Variants in ADAMTS10 observed in about 807,000 individuals in gnomAD.
ADAMTS10 encodes the protein ADAM metallopeptidase with thrombospondin type 1 motif 10.
ADAMTS10 carries 48 observed loss-of-function variants against 135.9 expected under a neutral mutation model. The ratio of observed to expected loss-of-function variants is 0.35; its 90% CI spans 0.28 to 0.45. The LOEUF is 0.45. ADAMTS10 is among the 20% of genes least tolerant of loss of function. The probability of loss-of-function intolerance (pLI) is 1.00; values close to 1 mark genes in which losing one functional copy is unlikely to be tolerated. For missense variants in ADAMTS10, 1,131 were observed against 1,565.2 expected, an observed-to-expected ratio of 0.72 and a Z score of 4.68; for synonymous variants, 621 against 647.5, an observed-to-expected ratio of 0.96 and a Z score of 0.62.
intron 12 of ADAMTS10, 56 bp from the exon 13 acceptor site, chr19:8,592,926 C>T: frequency 3.9e-6 from 6 of 1,527,392 alleles, no homozygotes; most frequent in Non-Finnish European, 5.3e-6. Flanking sequence ...CCTGGGGCAG[C>T]CCGCCCGGCT....
chr19:8,606,303 T>C (rs983307735), intron 2 of ADAMTS10, among the ~76,000 whole-genome samples: 1 of 151,996 alleles, frequency 6.6e-6, no homozygotes, highest in Non-Finnish European at 1.5e-5. Flanking sequence ...CCTCAAGGGA[T>C]CCTTTCACCT....
In ADAMTS10 at chr19:8,605,581, T is replaced by G; in HGVS notation, c.88+42A>C. 6.3e-7 allele frequency: 1 copy of G among 1,583,276 alleles called. No individual in the cohort carries two copies. The highest frequency in any genetic ancestry group is 2.3e-5 in the East Asian group (1 of 43,132). On this transcript the variant is annotated intron_variant, in intron 3 of 25. Coordinates refer to ENST00000597188, the MANE Select transcript of ADAMTS10 (RefSeq NM_030957.4). This position sits in a 1 kb window ranked among gnomAD's most constrained non-coding sequence, Gnocchi z 7.7. ...GTTGGAGCCCAACTGGTCTCTTACATTTTTCGCTCCCTCCCCACCGCCACC... is the reference window on the plus strand; with the variant it reads ...GTTGGAGCCCAACTGGTCTCTTACAGTTTTCGCTCCCTCCCCACCGCCACC...
intron 16 of ADAMTS10, 61 bp downstream of exon 16, chr19:8,589,828 C>T: frequency 6.5e-7 from 1 of 1,536,320 alleles, no homozygotes; most frequent in African/African-American, 1.4e-5. Context: ...CATCCACCTG[C>T]TGCTGGACAC....
chr19:8,598,001 A>G (rs1555740647), intron 6 of ADAMTS10, among the ~76,000 whole-genome samples: 3 of 151,456 alleles, frequency 2.0e-5, no homozygotes, highest in Non-Finnish European at 4.4e-5. Flanking sequence ...TTTAGTAGAG[A>G]CTGGGTTTCA....
intron 6 of ADAMTS10, among the ~76,000 whole-genome samples, chr19:8,598,006 G>T (rs1367786224): frequency 6.6e-6 from 1 of 151,926 alleles, no homozygotes; most frequent in Non-Finnish European, 1.5e-5. Context: ...TAGAGACTGG[G>T]TTTCACCATG....
chr19:8,586,484 G>T lies in ADAMTS10; in HGVS notation c.2404-14C>A, dbSNP rs2042432706. ...CCGGGCCAGCACCTGGAGAAAGGGGGCGGCAGCCAGTGGAAGGATCGCATG... is the reference window on the plus strand; with the variant it reads ...CCGGGCCAGCACCTGGAGAAAGGGGTCGGCAGCCAGTGGAAGGATCGCATG... On this transcript the variant is annotated splice_polypyrimidine_tract_variant and intron_variant, in intron 20 of 25. Coordinates refer to ENST00000597188, the MANE Select transcript of ADAMTS10 (RefSeq NM_030957.4). 6.2e-7 allele frequency: 1 copy of T among 1,613,386 alleles called. No individual in the cohort carries two copies.
At position 8,580,299 on chromosome 19, in the gene ADAMTS10, G is replaced by C. The variant is rs542081399; in HGVS notation, c.*594C>G. The stretch of plus-strand genomic sequence containing the variant: ...ATGTAGGGCTTCCTGGCAGGAGTGT[G>C]TGGGCCCCAGGGCAGGGTCTGTAGC... On this transcript the variant is annotated 3_prime_UTR_variant, in exon 26 of 26. Transcript: ENST00000597188. 6.4e-6 allele frequency: 1 copy of C among 155,526 alleles called. No homozygotes were observed. The highest frequency in any genetic ancestry group is 1.8e-4 in the South Asian group (1 of 5,560). 9.6% of individuals were successfully genotyped at this position (155,526 alleles called of 1,614,324 possible).
chr19:8,604,001 C>CT (rs36044688), intron 4 of ADAMTS10, 117 bp from the exon 5 acceptor site: 276,530 of 818,292 alleles, frequency 0.34, 17,381 homozygotes, highest in African/African-American at 0.42. Context: ...TTTGCTATTT[C>CT]TTTTTTTTTT....
intron 6 of ADAMTS10, among the ~76,000 whole-genome samples, chr19:8,599,381 AGTGCAATG>A (rs1555740955): frequency 1.3e-5 from 2 of 152,024 alleles, no homozygotes; most frequent in Non-Finnish European, 2.9e-5. Flanking sequence ...CCCAGGCTGG[AGTGCAATG>A]GTGCGATCTT....
chr19:8,589,797 C>T, intron 16 of ADAMTS10, 92 bp downstream of exon 16: 1 of 1,460,910 alleles, frequency 6.8e-7, no homozygotes, highest in Non-Finnish European at 9.5e-7. Context: ...GGGCTCAGGG[C>T]AGACCCCGGG....
Position 8,580,466 on chromosome 19 carries a change from TC to T in ADAMTS10, c.*426del. The T allele has an allele frequency of 1.2e-5, 2 of 167,380 alleles. No individual in the cohort carries two copies. The highest frequency in any genetic ancestry group is 1.2e-4 in the South Asian group (1 of 8,600). 10.4% of individuals were successfully genotyped at this position (167,380 alleles called of 1,614,324 possible). On this transcript the variant is annotated 3_prime_UTR_variant, in exon 26 of 26. Transcript: ENST00000597188. The stretch of plus-strand genomic sequence containing the variant: ...CCCCCCTCCCATAGCAGACACAGAT[TC>T]CCCCCCAGCTCGGAGTGGAGGGGTA...
intron 6 of ADAMTS10, among the ~76,000 whole-genome samples, chr19:8,597,929 G>T (rs965755194): frequency 1.3e-5 from 2 of 150,376 alleles, no homozygotes; most frequent in Non-Finnish European, 3.0e-5. Context: ...TCAGCCTCCC[G>T]AGTAGCTGGG....
intron 25 of ADAMTS10, 128 bp from the exon 26 acceptor site, chr19:8,581,130 CTTTTTTTTTTTT>C (rs369050914): frequency 0.019 from 2,813 of 146,088 alleles, 4 homozygotes; most frequent in South Asian, 0.027. Flanking sequence ...TTTAAATTTA[CTTTTTTTTTTTT>C]TTTTTTTTTT....
chr19:8,583,084 T>A (rs2042375942), intron 25 of ADAMTS10, among the ~76,000 whole-genome samples: 1 of 151,250 alleles, frequency 6.6e-6, no homozygotes, highest in Admixed American at 6.6e-5. Context: ...TCGCCCGGCC[T>A]GGGTGGATCA....
chr19:8,609,643 C>T (rs1443523928), intron 1 of ADAMTS10, among the ~76,000 whole-genome samples: 2 of 152,092 alleles, frequency 1.3e-5, no homozygotes, highest in Non-Finnish European at 2.9e-5. Flanking sequence ...GGCCGGCGCC[C>T]GGGCTGGTCC....
chr19:8,610,116 T>A (rs1393040225), intron 1 of ADAMTS10, among the ~76,000 whole-genome samples: 3 of 150,588 alleles, frequency 2.0e-5, no homozygotes, highest in Admixed American at 6.6e-5. Context: ...CGCTGACACA[T>A]ACACACTCAT....
chr19:8,604,869 C>T, intron 4 of ADAMTS10, 143 bp downstream of exon 4: 1 of 904,988 alleles, frequency 1.1e-6, no homozygotes, highest in Admixed American at 2.1e-5. Context: ...ACTGCTTTAG[C>T]TGCATCCCCA....
intron 25 of ADAMTS10, 127 bp from the exon 26 acceptor site, chr19:8,581,129 ACTTT>A: frequency 1.2e-4 from 15 of 126,876 alleles, no homozygotes; most frequent in East Asian, 3.5e-4. Context: ...TTTTAAATTT[ACTTT>A]TTTTTTTTTT....
chr19:8,586,175 G>C lies in ADAMTS10; in HGVS notation c.2607C>G (p.His869Gln). Reference protein sequence around the residue: ...SAVAPHYCSAHSKLPKRQRAC... With the variant: ...SAVAPHYCSAQSKLPKRQRAC... ...CGCGCTGCCTTTTGGGCAGCTTGCT[G>C]TGGGCACTGCAGTAGTGGGGGGCGA... The change falls in exon 22 of 26, where the codon CAC becomes CAG. Residue 869 changes from histidine to glutamine, a missense_variant. His to Gln is a conservative substitution (Grantham distance 24). Transcript: ENST00000597188. 1.2e-6 allele frequency: 2 copies of C among 1,613,010 alleles called. No homozygotes were observed. The highest frequency in any genetic ancestry group is 1.7e-6 in the Non-Finnish European group (2 of 1,180,008).
Sources: allele counts gnomAD v4.1 joint callset (sites outside exome capture counted in the v4.1 genomes callset), GRCh38; gene constraint gnomAD v4.1.1; non-coding constraint Gnocchi (gnomAD v3.1); transcripts MANE v1.5; gene names NCBI Gene and HGNC (gene_info 2026-07-23, HGNC 2026-07-21).